Variants in L3MBTL4 observed in about 807,000 individuals in gnomAD.
L3MBTL4 encodes the protein lethal(3)malignant brain tumor-like protein 4.
L3MBTL4 carries 70 observed loss-of-function variants against 84.5 expected under a neutral mutation model. That is an observed-to-expected ratio of 0.83 (90% CI 0.68 to 1.01). The LOEUF is 1.01. Among genes scored for constraint, L3MBTL4 ranks in the 50% least tolerant of loss-of-function variants. The pLI, the probability that L3MBTL4 is intolerant of heterozygous loss-of-function variation, is 0.00. For synonymous variants in L3MBTL4, 274 were observed against 259.8 expected (o/e 1.05, Z -0.52); for missense variants, 715 against 754.8 (o/e 0.95, Z 0.62).
intron 16 of L3MBTL4, among the ~76,000 whole-genome samples, chr18:6,078,679 G>T (rs1490761388): frequency 6.6e-6 from 1 of 152,142 alleles, no homozygotes; most frequent in Non-Finnish European, 1.5e-5. Flanking sequence ...ACCAGGAACT[G>T]GTTTCATGGA....
chr18:6,318,728 C>CT (rs2051252925), intron 1 of L3MBTL4, among the ~76,000 whole-genome samples: 1 of 151,858 alleles, frequency 6.6e-6, no homozygotes, highest in Non-Finnish European at 1.5e-5. Context: ...CTCATCGAGA[C>CT]AGAAGGTCAA....
At chr18:6,386,367 C>T (rs998993562) in intron 1 of L3MBTL4, among the ~76,000 whole-genome samples, 5 of 152,208 alleles carry the variant, frequency 3.3e-5, no homozygotes, top group Non-Finnish European at 7.3e-5. Flanking sequence ...TGACAAGGGT[C>T]ACATATCAAG....
intron 12 of L3MBTL4, among the ~76,000 whole-genome samples, chr18:6,201,388 A>T (rs1237446071): frequency 6.6e-6 from 1 of 152,188 alleles, no homozygotes; most frequent in South Asian, 2.1e-4. Context: ...GATCATGAGA[A>T]GAGAATGAGG....
intron 16 of L3MBTL4, among the ~76,000 whole-genome samples, chr18:6,026,856 C>T (rs951034293): frequency 2.0e-5 from 3 of 152,040 alleles, no homozygotes; most frequent in Admixed American, 6.6e-5. Context: ...GGTCACATAA[C>T]GAATTGGTTT....
intron 14 of L3MBTL4, among the ~76,000 whole-genome samples, chr18:6,113,040 G>A (rs1454661822): frequency 1.3e-5 from 2 of 152,138 alleles, no homozygotes; most frequent in Admixed American, 6.5e-5. Flanking sequence ...TTAACTCCCC[G>A]GCACATCGCA....
chr18:6,165,173 G>A (rs554119580), intron 13 of L3MBTL4, among the ~76,000 whole-genome samples: 178 of 152,196 alleles, frequency 1.2e-3, no homozygotes, highest in Non-Finnish European at 2.1e-3. Flanking sequence ...AAGAAATATG[G>A]GACTATGTGA....
intron 4 of L3MBTL4, among the ~76,000 whole-genome samples, chr18:6,286,123 C>A (rs2049575019): frequency 6.6e-6 from 1 of 151,848 alleles, no homozygotes; most frequent in Non-Finnish European, 1.5e-5. Flanking sequence ...AGCCACCATG[C>A]CCGGCCTGAA....
chr18:6,109,221 A>T (rs771390524), intron 14 of L3MBTL4, among the ~76,000 whole-genome samples: 8 of 152,218 alleles, frequency 5.3e-5, no homozygotes, highest in Admixed American at 5.2e-4. Context: ...TTTTAGATCA[A>T]TAGTGGACCA....
intron 15 of L3MBTL4, among the ~76,000 whole-genome samples, chr18:6,091,363 G>A (rs779959999): frequency 6.6e-6 from 1 of 152,138 alleles, no homozygotes; most frequent in Non-Finnish European, 1.5e-5. Flanking sequence ...AAAAAAAGTG[G>A]ACAGATATTG....
intron 16 of L3MBTL4, among the ~76,000 whole-genome samples, chr18:6,072,832 C>G (rs1245185239): frequency 8.4e-6 from 1 of 119,606 alleles, no homozygotes; most frequent in Non-Finnish European, 1.6e-5. Context: ...CTCCAGCACT[C>G]TAGCCTGGGT....
chr18:6,371,227 G>T (rs1160498494), intron 1 of L3MBTL4, among the ~76,000 whole-genome samples: 3 of 152,226 alleles, frequency 2.0e-5, no homozygotes, highest in Non-Finnish European at 4.4e-5. Context: ...GCCAGATGTG[G>T]CCACTAGGCT....
chr18:5,994,139 C>T (rs912929654), intron 16 of L3MBTL4, among the ~76,000 whole-genome samples: 1 of 152,208 alleles, frequency 6.6e-6, no homozygotes, highest in African/African-American at 2.4e-5. Context: ...CATGCAGGTA[C>T]TTCCTCTGAA....
intron 4 of L3MBTL4, among the ~76,000 whole-genome samples, chr18:6,284,379 G>A (rs143953428): frequency 2.8e-4 from 42 of 152,302 alleles, no homozygotes; most frequent in Non-Finnish European, 5.6e-4. Context: ...ACCCACCCGG[G>A]CGTCGAGACT....
intron 1 of L3MBTL4, among the ~76,000 whole-genome samples, chr18:6,322,434 G>A (rs1463021299): frequency 1.3e-5 from 2 of 149,054 alleles, no homozygotes; most frequent in African/African-American, 2.5e-5. Context: ...AGGCAGGGAG[G>A]GAGGAAGGAA....
chr18:6,094,057 T>C (rs2058550248), intron 14 of L3MBTL4, among the ~76,000 whole-genome samples: 1 of 152,222 alleles, frequency 6.6e-6, no homozygotes, highest in South Asian at 2.1e-4. Flanking sequence ...GGATACATTG[T>C]AGGTGAGAGA....
intron 14 of L3MBTL4, among the ~76,000 whole-genome samples, chr18:6,132,354 T>G (rs2144547264): frequency 6.6e-6 from 1 of 152,286 alleles, no homozygotes; most frequent in African/African-American, 2.4e-5. Context: ...CATTTTCATT[T>G]CTGAGACCCT....
intron 1 of L3MBTL4, among the ~76,000 whole-genome samples, chr18:6,358,603 TA>T (rs2143946925): frequency 6.6e-6 from 1 of 152,342 alleles, no homozygotes. Flanking sequence ...CTGGTCAAGC[TA>T]CTCCAGTTCC....
chr18:6,211,896 G>T (rs957330515), intron 12 of L3MBTL4, among the ~76,000 whole-genome samples: 2 of 152,132 alleles, frequency 1.3e-5, no homozygotes, highest in Non-Finnish European at 2.9e-5. Context: ...TGATACGCCC[G>T]CCTCAGCCTC....
At chr18:6,156,212 A>G (rs2043096951) in intron 13 of L3MBTL4, among the ~76,000 whole-genome samples, 1 of 152,214 alleles carries the variant, frequency 6.6e-6, no homozygotes, top group Non-Finnish European at 1.5e-5. Flanking sequence ...CTCTGTGAAT[A>G]TCTTCACTAT....
Sources: allele counts gnomAD v4.1 joint callset (sites outside exome capture counted in the v4.1 genomes callset), GRCh38; gene constraint gnomAD v4.1.1; transcripts MANE v1.5; gene names NCBI Gene and HGNC (gene_info 2026-07-23, HGNC 2026-07-21).